The following CELF2 variants were observed in gnomAD, a reference collection of about 807,000 sequenced individuals.
The protein encoded by CELF2 is CUGBP Elav-like family member 2, also known as CUG triplet repeat RNA-binding protein 2.
CELF2 carries 8 observed loss-of-function variants against 62.6 expected under a neutral mutation model. That is an observed-to-expected ratio of 0.13 (90% CI 0.07 to 0.23). The LOEUF is 0.23. CELF2 is among the 10% of genes least tolerant of loss of function. The probability of loss-of-function intolerance (pLI) is 1.00; values close to 1 mark genes in which losing one functional copy is unlikely to be tolerated. For missense variants in CELF2, 333 were observed against 671.0 expected, an observed-to-expected ratio of 0.50 and a Z score of 5.56; for synonymous variants, 258 against 250.0, an observed-to-expected ratio of 1.03 and a Z score of -0.30.
intron 8 of CELF2, among the ~76,000 whole-genome samples, chr10:11,284,830 ATAAT>A (rs944422474): frequency 5.5e-5 from 8 of 145,586 alleles, no homozygotes; most frequent in African/African-American, 2.1e-4. Context: ...GGGTGGGAGA[ATAAT>A]GGATGGATGG....
At chr10:10,594,296 G>A in the CELF2 span, among the ~76,000 whole-genome samples, 3 of 152,166 alleles carry the variant, frequency 2.0e-5, no homozygotes, top group Non-Finnish European at 2.9e-5. Context: ...AGGAGGAAAC[G>A]CTCATTTAGA....
upstream of CELF2, among the ~76,000 whole-genome samples, chr10:10,796,534 C>G (rs2054149454): frequency 6.6e-6 from 1 of 152,196 alleles, no homozygotes; most frequent in Non-Finnish European, 1.5e-5. Context: ...CTCCATTAAC[C>G]CTGAACTCTA....
the CELF2 span, among the ~76,000 whole-genome samples, chr10:10,649,292 G>A: frequency 6.6e-6 from 1 of 152,164 alleles, no homozygotes; most frequent in Admixed American, 6.5e-5. Context: ...TAAAAACATA[G>A]GTCCTTTATT....
the CELF2 span, among the ~76,000 whole-genome samples, chr10:10,637,439 C>T: frequency 1.3e-5 from 2 of 152,188 alleles, no homozygotes; most frequent in African/African-American, 4.8e-5. Context: ...TTACATCTTG[C>T]AGCCATTGTA....
intron 3 of CELF2, among the ~76,000 whole-genome samples, chr10:11,225,230 T>C (rs76682293): frequency 0.06 from 9,102 of 152,186 alleles, 381 homozygotes; most frequent in African/African-American, 0.12. Flanking sequence ...AGGGACACTG[T>C]GACAAAGGCT....
chr10:10,768,577 C>CTTT, the CELF2 span, among the ~76,000 whole-genome samples: 1 of 138,516 alleles, frequency 7.2e-6, no homozygotes, highest in African/African-American at 2.6e-5. Flanking sequence ...TTTTCTTTTT[C>CTTT]TTTTTTTTTT....
intron 2 of CELF2, chr10:10,946,962 C>T (rs867352477): frequency 6.6e-6 from 1 of 152,228 alleles, no homozygotes; most frequent in Non-Finnish European, 1.5e-5. Context: ...GCCAAGAACA[C>T]ATTTTAAAAT....
chr10:10,611,969 T>C, the CELF2 span, among the ~76,000 whole-genome samples: 4 of 152,184 alleles, frequency 2.6e-5, no homozygotes, highest in African/African-American at 9.7e-5. Flanking sequence ...AGGAGATCCA[T>C]GATTTCAGCC....
chr10:11,264,494 C>A (rs1052461322), intron 5 of CELF2, among the ~76,000 whole-genome samples: 6 of 152,220 alleles, frequency 3.9e-5, no homozygotes, highest in African/African-American at 1.4e-4. Context: ...CGCTTGGTTT[C>A]AAATCTATCT....
At chr10:11,281,021 T>TGTGTGTGTGTGTGTGTGTGTG (rs1555055100) in intron 8 of CELF2, among the ~76,000 whole-genome samples, 1 of 150,516 alleles carries the variant, frequency 6.6e-6, no homozygotes, top group Non-Finnish European at 1.5e-5. Context: ...TGTGTGTGTG[T>TGTGTGTGTGTGTGTGTGTGTG]TCAGAATGGG....
At chr10:11,293,540 G>A (rs531716343) in intron 9 of CELF2, among the ~76,000 whole-genome samples, 1 of 152,308 alleles carries the variant, frequency 6.6e-6, no homozygotes, top group African/African-American at 2.4e-5. Flanking sequence ...CTTGAGGCCA[G>A]GGGCAGAGAG....
At chr10:10,687,824 G>A in the CELF2 span, among the ~76,000 whole-genome samples, 1 of 152,154 alleles carries the variant, frequency 6.6e-6, no homozygotes, top group African/African-American at 2.4e-5. Context: ...CCTACCCACT[G>A]TCAATTTGCT....
At chr10:10,679,889 G>T in the CELF2 span, among the ~76,000 whole-genome samples, 1 of 152,130 alleles carries the variant, frequency 6.6e-6, no homozygotes, top group Non-Finnish European at 1.5e-5. Context: ...GAATGCTTCA[G>T]TTGCTGCACT....
rs762299995 is a variant in CELF2, at chr10:11,326,078, C to G, written c.1438+99C>G. On this transcript the variant is annotated intron_variant, in intron 12 of 12. Transcript: ENST00000633077. Reference sequence around the variant, plus strand: ...ACAGTTTCAGCCAGGATAGGGCCTTCCCCACATTGTGTTGGGCTCTGATTT... The same window carrying G: ...ACAGTTTCAGCCAGGATAGGGCCTTGCCCACATTGTGTTGGGCTCTGATTT... The G allele has an allele frequency of 8.9e-5, 106 of 1,195,568 alleles. 1 individual carries two copies. The highest frequency in any genetic ancestry group is 6.7e-4 in the African/African-American group (44 of 65,450). 74.1% of individuals were successfully genotyped at this position (1,195,568 alleles called of 1,614,324 possible).
chr10:11,044,562 T>C (rs1369376338), intron 1 of CELF2, among the ~76,000 whole-genome samples: 1 of 152,228 alleles, frequency 6.6e-6, no homozygotes, highest in Non-Finnish European at 1.5e-5. Context: ...TGAGACCTCA[T>C]TTGAGAAATG....
At chr10:11,195,967 A>T (rs1203485680) in intron 2 of CELF2, among the ~76,000 whole-genome samples, 1 of 152,124 alleles carries the variant, frequency 6.6e-6, no homozygotes, top group African/African-American at 2.4e-5. Context: ...TGAACATGGC[A>T]AAACAAAGTA....
In CELF2 at chr10:11,011,956, G is replaced by A. The variant is rs1054660556; in HGVS notation, c.53+6516G>A. 6.6e-6 allele frequency among the ~76,000 whole-genome samples: 1 copy of A among 152,156 alleles called. No individual in the cohort carries two copies. The highest frequency in any genetic ancestry group is 1.5e-5 in the Non-Finnish European group (1 of 68,028). ...AACCTACATGTCACTTTAATAGCTTGGTTATATAACTGCTGTAGTGATAAT... is the reference window on the plus strand; with the variant it reads ...AACCTACATGTCACTTTAATAGCTTAGTTATATAACTGCTGTAGTGATAAT... On this transcript the variant is annotated intron_variant, in intron 1 of 12. Transcript: ENST00000416382. The surrounding 1 kb of genome is among the most constrained non-coding windows in gnomAD (Gnocchi z 4.6).
rs1396783052 is a variant in CELF2 at position 11,145,293 on chromosome 10, T to A, written c.75-20193T>A. ...GTCTCAGGCATCTGTGTGGCACAGA[T>A]ACTTTTATGTGTTGTTGAAAGAGCT... On this transcript the variant is annotated intron_variant, in intron 1 of 12. Transcript: ENST00000633077. The surrounding 1 kb of genome is among the most constrained non-coding windows in gnomAD (Gnocchi z 4.3). Among the ~76,000 whole-genome samples, 35 of 152,362 alleles carry A rather than the reference T, an allele frequency of 2.3e-4. No individual in the cohort carries two copies.
chr10:10,809,154 G>T (rs931798314), intron 1 of CELF2, among the ~76,000 whole-genome samples: 1 of 152,072 alleles, frequency 6.6e-6, no homozygotes, highest in Non-Finnish European at 1.5e-5. Flanking sequence ...TAGCTCACTC[G>T]TGCTTGTGCA....
Sources: allele counts gnomAD v4.1 joint callset (sites outside exome capture counted in the v4.1 genomes callset), GRCh38; gene constraint gnomAD v4.1.1; non-coding constraint Gnocchi (gnomAD v3.1); transcripts MANE v1.5; gene names NCBI Gene and HGNC (gene_info 2026-07-23, HGNC 2026-07-21).